PLG: variants seen among roughly 807,000 people sequenced by gnomAD.
PLG encodes the protein plasmin.
In PLG, 41 loss-of-function variants were observed where a neutral mutation model predicts 104.4. That is an observed-to-expected ratio of 0.39 (90% CI 0.31 to 0.51). PLG has a LOEUF of 0.51. PLG is among the 20% of genes least tolerant of loss of function. PLG has a pLI of 0.76. For synonymous variants in PLG, 337 were observed against 357.1 expected (o/e 0.94, Z 0.63); for missense variants, 891 against 1,003.6 (o/e 0.89, Z 1.52).
chr6:160,729,290 C>T (rs1299303582), intron 10 of PLG, among the ~76,000 whole-genome samples: 1 of 152,180 alleles, frequency 6.6e-6, no homozygotes, highest in African/African-American at 2.4e-5. Flanking sequence ...GTGCAGCTCT[C>T]GCATACGCTG....
intron 1 of PLG, chr6:160,705,826 C>T (rs1390424273): frequency 2.0e-5 from 3 of 152,916 alleles, no homozygotes; most frequent in Non-Finnish European, 4.4e-5. Flanking sequence ...ACAACTGCCA[C>T]TGATGGTGCC....
At chr6:160,748,483 G>A (rs1431517480) in intron 17 of PLG, among the ~76,000 whole-genome samples, 2 of 147,368 alleles carry the variant, frequency 1.4e-5, no homozygotes, top group African/African-American at 5.0e-5. Flanking sequence ...GAGGAAGGGT[G>A]GGTGGGTTGT....
Position 160,725,927 on chromosome 6 carries a change from G to A in PLG, c.1256+3360G>A, listed in dbSNP as rs546466683. Among the ~76,000 whole-genome samples the A allele has an allele frequency of 1.3e-5, 2 of 152,260 alleles. No individual in the cohort carries two copies. Among genetic ancestry groups the A allele is most frequent in the African/African-American group, 2.4e-5 (1 of 41,556 alleles). ...TGCTAAATGGGTTGCACCCTCATAA[G>A]AGCCCTTCTGATATATGAAGCAAAC... On this transcript the variant is annotated intron_variant, in intron 10 of 18. Coordinates refer to ENST00000308192, the MANE Select transcript of PLG (RefSeq NM_000301.5). This position sits in a 1 kb window ranked among gnomAD's most constrained non-coding sequence, Gnocchi z 6.3.
At chr6:160,714,978 G>A (rs923277481) in intron 6 of PLG, 64 bp downstream of exon 6, 9 of 1,528,830 alleles carry the variant, frequency 5.9e-6, no homozygotes, top group South Asian at 3.4e-5. Context: ...TCAGACATTT[G>A]CTGTCATTTA....
chr6:160,702,546 G>A (rs1777437499), intron 1 of PLG, among the ~76,000 whole-genome samples, 193 bp downstream of exon 1: 4 of 152,142 alleles, frequency 2.6e-5, no homozygotes, highest in Admixed American at 2.6e-4. Flanking sequence ...TCAGGGTGCT[G>A]GAATGAATGG....
Position 160,736,821 on chromosome 6 carries a change from C to G in PLG, c.1682-66C>G, listed in dbSNP as rs1045531544. ...CAAAAACTCAGTGCTTGGAATTTGT[C>G]TCGAATTACACCACAAAATTGCTAC... On this transcript the variant is annotated intron_variant, in intron 13 of 18. Coordinates refer to ENST00000308192, the MANE Select transcript of PLG (RefSeq NM_000301.5). This position sits in a 1 kb window ranked among gnomAD's most constrained non-coding sequence, Gnocchi z 5.2. 2.5e-6 allele frequency: 4 copies of G among 1,603,322 alleles called. No homozygotes were observed. The African/African-American group carries it at 5.4e-5, about 21-fold the overall frequency.
intron 17 of PLG, among the ~76,000 whole-genome samples, chr6:160,749,249 T>C (rs1482615962): frequency 6.6e-6 from 1 of 152,130 alleles, no homozygotes; most frequent in Non-Finnish European, 1.5e-5. Flanking sequence ...AGATTATGCC[T>C]CATGATCATC....
intron 1 of PLG, chr6:160,705,255 C>G (rs1157963192): frequency 6.6e-6 from 1 of 152,340 alleles, no homozygotes; most frequent in Non-Finnish European, 1.5e-5. Context: ...TACCAAAGCT[C>G]AGCCAGATGT....
chr6:160,710,364 CGTT>C (rs1007078096), intron 3 of PLG, among the ~76,000 whole-genome samples: 4 of 152,008 alleles, frequency 2.6e-5, no homozygotes, highest in African/African-American at 9.7e-5. Flanking sequence ...AGAAATGACT[CGTT>C]GTAAGCACAT....
chr6:160,749,651 CACCATCACCACCATCATCACCATA>C (rs1284538511), intron 17 of PLG, among the ~76,000 whole-genome samples: 3 of 149,906 alleles, frequency 2.0e-5, no homozygotes, highest in Admixed American at 2.0e-4. Context: ...CCACTACCAC[CACCATCACCACCATCATCACCATA>C]ACCATCATCA....
intron 10 of PLG, among the ~76,000 whole-genome samples, chr6:160,730,460 A>G (rs1010605223): frequency 6.6e-6 from 1 of 152,222 alleles, no homozygotes; most frequent in African/African-American, 2.4e-5. Context: ...CACACCTGAT[A>G]CGGTATTGAC....
At position 160,723,278 on chromosome 6, in the gene PLG, G is replaced by T. The variant is rs140156715; in HGVS notation, c.1256+711G>T. Among the ~76,000 whole-genome samples, 1 of 152,066 alleles carries T rather than the reference G, an allele frequency of 6.6e-6. No homozygotes were observed. The highest frequency in any genetic ancestry group is 1.5e-5 in the Non-Finnish European group (1 of 68,024). The stretch of plus-strand genomic sequence containing the variant: ...GACATGAAGAACAAAAGCAGGATAC[G>T]CAGATGCTGAACAGCGAAAGAGGCC... On this transcript the variant is annotated intron_variant, in intron 10 of 18. Transcript: ENST00000308192. The surrounding 1 kb of genome is among the most constrained non-coding windows in gnomAD (Gnocchi z 4.7).
chr6:160,734,664 GGAGT>G lies in PLG; in HGVS notation c.1681+577_1681+580del, dbSNP rs1284219291. Among the ~76,000 whole-genome samples the G allele has an allele frequency of 6.6e-6, 1 of 151,594 alleles. No individual in the cohort carries two copies. Among genetic ancestry groups the G allele is most frequent in the Admixed American group, 6.6e-5 (1 of 15,228 alleles). On this transcript the variant is annotated intron_variant, in intron 13 of 18. Transcript: ENST00000308192. This position sits in a 1 kb window ranked among gnomAD's most constrained non-coding sequence, Gnocchi z 4.4. ...CCTCATTGCTCTGAGACTCTTGTTG[GGAGT>G]ATGAGGCTTGGATCAGGGGAAGGGG...
At chr6:160,711,755 A>C (rs1777646473) in intron 4 of PLG, 1 of 1,601,192 alleles carries the variant, frequency 6.2e-7, no homozygotes, top group African/African-American at 1.4e-5. Context: ...AATCTGAGAA[A>C]AGATCAAAGA....
In PLG at chr6:160,736,874, C is replaced by T. The variant is rs755161362; in HGVS notation, c.1682-13C>T. On this transcript the variant is annotated splice_polypyrimidine_tract_variant and intron_variant, in intron 13 of 18. Coordinates refer to ENST00000308192, the MANE Select transcript of PLG (RefSeq NM_000301.5). The surrounding 1 kb of genome is among the most constrained non-coding windows in gnomAD (Gnocchi z 5.2). ...TGTCTCAAATGGGATTTCTTTCCCA[C>T]CTTGTGCCACAGCGGCCCCTTCATT... is the stretch of plus-strand genomic sequence containing the variant. 6.8e-6 allele frequency: 11 copies of T among 1,613,514 alleles called. No individual in the cohort carries two copies. Among genetic ancestry groups the T allele is most frequent in the Admixed American group, 5.0e-5 (3 of 59,998 alleles).
In PLG at chr6:160,741,518, G is replaced by T; in HGVS notation, c.2125+101G>T. The stretch of plus-strand genomic sequence containing the variant: ...GAAAGCTGTGCAAATTCCTATCCAT[G>T]AATGTGGTCCACCCCACTCCTGATT... On this transcript the variant is annotated intron_variant, in intron 17 of 18. Transcript: ENST00000308192. The surrounding 1 kb of genome is among the most constrained non-coding windows in gnomAD (Gnocchi z 4.7). 1 of 813,188 alleles carries T rather than the reference G, an allele frequency of 1.2e-6. No homozygotes were observed. Among genetic ancestry groups the T allele is most frequent in the Non-Finnish European group, 2.1e-6 (1 of 470,466 alleles). 50.4% of individuals were successfully genotyped at this position (813,188 alleles called of 1,614,324 possible).
chr6:160,714,929 GA>G lies in PLG; in HGVS notation c.668+20del. The G allele has an allele frequency of 6.2e-7, 1 of 1,612,506 alleles. No homozygotes were observed. The highest frequency in any genetic ancestry group is 1.3e-5 in the African/African-American group (1 of 75,006). ...ATTCCTTCCAAGTAAGTCTCACTGG[GA>G]AAAACATTCCATGTTTAATTAAGGC... On this transcript the variant is annotated intron_variant, in intron 6 of 18. Coordinates refer to ENST00000308192, the MANE Select transcript of PLG (RefSeq NM_000301.5).
Position 160,747,778 on chromosome 6 carries a change from T to C in PLG, c.2126-4337T>C, listed in dbSNP as rs78018708. ...TTCTGCACTGCTGGGTCTGGGAGCA[T>C]TGAGGCCAAGTAAAAGGAACCTTGG... is the stretch of plus-strand genomic sequence containing the variant. On this transcript the variant is annotated intron_variant, in intron 17 of 18. Coordinates refer to ENST00000308192, the MANE Select transcript of PLG (RefSeq NM_000301.5). Among the ~76,000 whole-genome samples the C allele has an allele frequency of 9.4e-3, 1,430 of 152,318 alleles. 21 individuals carry two copies. The highest frequency in any genetic ancestry group is 0.029 in the African/African-American group (1,193 of 41,570).
Position 160,734,219 on chromosome 6 carries a change from A to T in PLG, c.1681+131A>T. On this transcript the variant is annotated intron_variant, in intron 13 of 18. Transcript: ENST00000308192. The surrounding 1 kb of genome is among the most constrained non-coding windows in gnomAD (Gnocchi z 4.4). ...CCCTCTCCATCAGACCCCACTCTTCATCATGGGCATCTTGAATCTGCCCTA... is the reference window on the plus strand; with the variant it reads ...CCCTCTCCATCAGACCCCACTCTTCTTCATGGGCATCTTGAATCTGCCCTA... The T allele has an allele frequency of 1.6e-6, 1 of 629,586 alleles. No homozygotes were observed. Among genetic ancestry groups the T allele is most frequent in the Non-Finnish European group, 3.0e-6 (1 of 333,206 alleles). 39.0% of individuals were successfully genotyped at this position (629,586 alleles called of 1,614,324 possible). A position where few individuals can be genotyped will look rare whatever the true frequency, so the allele number is the denominator to read the frequency against.
Sources: allele counts gnomAD v4.1 joint callset (sites outside exome capture counted in the v4.1 genomes callset), GRCh38; gene constraint gnomAD v4.1.1; non-coding constraint Gnocchi (gnomAD v3.1); transcripts MANE v1.5; gene names NCBI Gene and HGNC (gene_info 2026-07-23, HGNC 2026-07-21).